The following IGF1 variants were observed in gnomAD, a reference collection of about 807,000 sequenced individuals.
The protein encoded by IGF1 is insulin like growth factor 1.
IGF1 carries 4 observed loss-of-function variants against 13.8 expected under a neutral mutation model. The observed-to-expected ratio is 0.29, with a 90% CI of 0.14 to 0.66. IGF1 has a LOEUF of 0.66. Among genes scored for constraint, IGF1 ranks in the 30% least tolerant of loss-of-function variants. IGF1 has a pLI of 0.78. For synonymous variants in IGF1, 76 were observed against 72.6 expected, an observed-to-expected ratio of 1.05 and a Z score of -0.23; for missense variants, 124 against 188.5, an observed-to-expected ratio of 0.66 and a Z score of 2.00.
At chr12:102,446,978 A>G (rs756837470) in intron 2 of IGF1, among the ~76,000 whole-genome samples, 1 of 151,838 alleles carries the variant, frequency 6.6e-6, no homozygotes, top group African/African-American at 2.4e-5. Context: ...TAATTTTGTT[A>G]TTTACCCAGT....
intron 2 of IGF1, among the ~76,000 whole-genome samples, chr12:102,428,579 G>T (rs139565752): frequency 1.8e-3 from 270 of 152,262 alleles, no homozygotes; most frequent in African/African-American, 6.3e-3. Context: ...TAAGGAAAGA[G>T]AGATGGCCCT....
At chr12:102,418,141 A>G (rs1475070613) in intron 3 of IGF1, 10 of 807,272 alleles carry the variant, frequency 1.2e-5, no homozygotes, top group Non-Finnish European at 1.8e-5. Flanking sequence ...CCTCAGTCAC[A>G]AGACCCACCA....
intron 2 of IGF1, among the ~76,000 whole-genome samples, chr12:102,434,906 A>G (rs1327050152): frequency 6.6e-6 from 1 of 152,128 alleles, no homozygotes; most frequent in Non-Finnish European, 1.5e-5. Flanking sequence ...AGTGATGATG[A>G]GCATTTTTTC....
chr12:102,417,084 T>A (rs1299459166), intron 3 of IGF1, among the ~76,000 whole-genome samples: 1 of 152,228 alleles, frequency 6.6e-6, no homozygotes, highest in Non-Finnish European at 1.5e-5. Context: ...GATACTTTGA[T>A]TTTGGACTTT....
At chr12:102,452,897 G>A (rs746544483) in intron 2 of IGF1, among the ~76,000 whole-genome samples, 1 of 152,156 alleles carries the variant, frequency 6.6e-6, no homozygotes, top group Non-Finnish European at 1.5e-5. Context: ...CTGCTTTGCT[G>A]AGCAGCCTTG....
At chr12:102,441,948 T>TCTCCTTCTCCTTCTCCTTCTC (rs1877857871) in intron 2 of IGF1, among the ~76,000 whole-genome samples, 2 of 143,368 alleles carry the variant, frequency 1.4e-5, no homozygotes, top group Admixed American at 7.6e-5. Context: ...TTCTTCTTCT[T>TCTCCTTCTCCTTCTCCTTCTC]CTTCTTCTTT....
chr12:102,473,632 T>C (rs1196299619), intron 2 of IGF1, among the ~76,000 whole-genome samples: 1 of 152,156 alleles, frequency 6.6e-6, no homozygotes, highest in African/African-American at 2.4e-5. Flanking sequence ...AGCCACTTTC[T>C]AGCTAAAGTC....
At chr12:102,438,633 C>A (rs1196385377) in intron 2 of IGF1, among the ~76,000 whole-genome samples, 1 of 152,124 alleles carries the variant, frequency 6.6e-6, no homozygotes, top group African/African-American at 2.4e-5. Context: ...TAAATTCCTT[C>A]TTTTATCTCT....
rs1873751152 is a variant in IGF1, at chr12:102,402,343, C to T, written c.*164G>A. 1 of 714,360 alleles carries T rather than the reference C, an allele frequency of 1.4e-6. No homozygotes were observed. The highest frequency in any genetic ancestry group is 1.5e-5 in the South Asian group (1 of 64,756). The allele number at this position is 714,360 out of a possible 1,614,324, so 44.3% of individuals were successfully genotyped here. A position where few individuals can be genotyped will look rare whatever the true frequency, so the allele number is the denominator to read the frequency against. ...GCAAGGTGCAAATCACTCCTAAAGA[C>T]AATGTTGGAATGTTTACTTGTGTAT... is the stretch of plus-strand genomic sequence containing the variant. On this transcript the variant is annotated 3_prime_UTR_variant, in exon 4 of 4. Transcript: ENST00000337514.
At chr12:102,421,652 T>C (rs1875732832) in intron 2 of IGF1, among the ~76,000 whole-genome samples, 1 of 152,232 alleles carries the variant, frequency 6.6e-6, no homozygotes, top group South Asian at 2.1e-4. Flanking sequence ...TTGTTGATTA[T>C]GAAATGGTAA....
chr12:102,440,969 A>C (rs1380839590), intron 2 of IGF1, among the ~76,000 whole-genome samples: 1 of 152,202 alleles, frequency 6.6e-6, no homozygotes, highest in Non-Finnish European at 1.5e-5. Flanking sequence ...AGACTCTAAA[A>C]TGGCAATTTT....
intron 2 of IGF1, among the ~76,000 whole-genome samples, chr12:102,460,169 AT>A (rs572410448): frequency 1.4e-3 from 211 of 152,322 alleles, no homozygotes; most frequent in African/African-American, 4.8e-3. Flanking sequence ...TAATCTCTTG[AT>A]TTTTATATTT....
Position 102,456,166 on chromosome 12 carries a change from C to G in IGF1, c.220+19477G>C, listed in dbSNP as rs1592810357. Among the ~76,000 whole-genome samples, 6 of 151,808 alleles carry G rather than the reference C, an allele frequency of 4.0e-5. No homozygotes were observed. In the South Asian group the frequency reaches 1.3e-3, roughly 32 times the overall value. ...GCATCTGAGGAGAAAGTTTTGCCCC[C>G]TTTTAAATTCCTAACACGGACATTC... On this transcript the variant is annotated intron_variant, in intron 2 of 3. Transcript: ENST00000337514.
Position 102,396,801 on chromosome 12 carries a change from T to A in IGF1, c.*5706A>T. Reference sequence around the variant, plus strand: ...TTTGTGTCCTCTCTTTTTTTTTTTTTACTTTAAAAAAGCTTGGATTTTTTT... The same window carrying A: ...TTTGTGTCCTCTCTTTTTTTTTTTTAACTTTAAAAAAGCTTGGATTTTTTT... On this transcript the variant is annotated 3_prime_UTR_variant, in exon 4 of 4. Transcript: ENST00000337514. 1 of 397,252 alleles carries A rather than the reference T, an allele frequency of 2.5e-6. No homozygotes were observed. The highest frequency in any genetic ancestry group is 4.4e-6 in the Non-Finnish European group (1 of 225,340). 24.6% of individuals were successfully genotyped at this position (397,252 alleles called of 1,614,324 possible).
chr12:102,444,124 G>A (rs1400798981), intron 2 of IGF1, among the ~76,000 whole-genome samples: 1 of 152,040 alleles, frequency 6.6e-6, no homozygotes, highest in Non-Finnish European at 1.5e-5. Context: ...ACCACGCCCG[G>A]CTGAAGTGCT....
At chr12:102,460,003 G>A (rs1381739844) in intron 2 of IGF1, among the ~76,000 whole-genome samples, 1 of 152,206 alleles carries the variant, frequency 6.6e-6, no homozygotes, top group East Asian at 1.9e-4. Context: ...TGTATGCTGA[G>A]CCAGATAGGT....
At chr12:102,474,407 T>A (rs764802907) in intron 2 of IGF1, among the ~76,000 whole-genome samples, 11 of 152,232 alleles carry the variant, frequency 7.2e-5, no homozygotes, top group Non-Finnish European at 1.2e-4. Flanking sequence ...ATTTAAAAAC[T>A]ATTTGTTGCC....
chr12:102,416,915 C>T (rs1875189859), intron 3 of IGF1, among the ~76,000 whole-genome samples: 1 of 152,138 alleles, frequency 6.6e-6, no homozygotes, highest in Admixed American at 6.5e-5. Flanking sequence ...GGGCCCAAAT[C>T]CAACCTGGCT....
chr12:102,436,287 G>A (rs1877216645), intron 2 of IGF1, among the ~76,000 whole-genome samples: 1 of 152,172 alleles, frequency 6.6e-6, no homozygotes, highest in Non-Finnish European at 1.5e-5. Flanking sequence ...GGAAATTAGA[G>A]CCTTCACAGA....
Sources: gnomAD v4.1 joint callset for allele counts (sites outside exome capture counted in the v4.1 genomes callset) on GRCh38, gnomAD v4.1.1 for gene constraint, MANE v1.5 for transcripts, NCBI Gene and HGNC (gene_info 2026-07-23, HGNC 2026-07-21) for gene names.